The following DST variants were observed in gnomAD, a reference collection of about 807,000 sequenced individuals.
DST encodes dystonin.
DST carries 253 observed loss-of-function variants against 875.2 expected under a neutral mutation model. The observed-to-expected ratio is 0.29, with a 90% confidence interval of 0.26 to 0.32. The LOEUF (loss-of-function observed/expected upper bound fraction) is 0.32, where lower values mean the gene tolerates loss of function less well. Among genes scored for constraint, DST ranks in the 10% least tolerant of loss-of-function variants. The pLI is 1.00. For missense variants in DST, 8,287 were observed against 9,111.6 expected (o/e 0.91, Z 3.68); for synonymous variants, 3,124 against 3,197.1 (o/e 0.98, Z 0.77).
intron 36 of DST, 56 bp from the exon 37 acceptor site, chr6:56,614,540 A>C: frequency 6.8e-7 from 1 of 1,480,886 alleles, no homozygotes; most frequent in East Asian, 2.4e-5. Context: ...CTTAGCTATT[A>C]AACTGACCTC....
chr6:56,568,672 T>C, intron 54 of DST, 77 bp from the exon 55 acceptor site: 1 of 1,249,486 alleles, frequency 8.0e-7, no homozygotes, highest in East Asian at 2.6e-5. Flanking sequence ...TTCTTAAACA[T>C]ATCTTAAAGT....
At chr6:56,565,365 C>T (rs2097653582) in intron 55 of DST, among the ~76,000 whole-genome samples, 1 of 151,972 alleles carries the variant, frequency 6.6e-6, no homozygotes, top group African/African-American at 2.4e-5. Context: ...GTGATCCGCT[C>T]GCCTTGGCCT....
chr6:56,468,067 C>G (rs1366640457), intron 98 of DST, among the ~76,000 whole-genome samples: 1 of 151,928 alleles, frequency 6.6e-6, no homozygotes, highest in African/African-American at 2.4e-5. Flanking sequence ...TAATTTGAAG[C>G]TTGAGATGTA....
chr6:56,697,770 C>T (rs367709692), intron 9 of DST, among the ~76,000 whole-genome samples: 1 of 152,310 alleles, frequency 6.6e-6, no homozygotes, highest in East Asian at 1.9e-4. Flanking sequence ...AGACCTCTGA[C>T]TTTCCCGTCT....
At chr6:56,506,908 G>T in intron 75 of DST, 119 bp from the exon 76 acceptor site, 1 of 1,068,764 alleles carries the variant, frequency 9.4e-7, no homozygotes, top group Non-Finnish European at 1.3e-6. Flanking sequence ...TCATTTTTCT[G>T]TTTTCTAAGT....
At chr6:56,823,931 T>C (rs1325638648) in intron 4 of DST, among the ~76,000 whole-genome samples, 1 of 152,190 alleles carries the variant, frequency 6.6e-6, no homozygotes, top group Non-Finnish European at 1.5e-5. Context: ...ATTTACAATA[T>C]GCCAAGCACC....
rs752053786 is a variant in DST, at chr6:56,494,195, C to T, written c.20224-15G>A. ...GCACAGACTTCCTAAATTGAGATAC[C>T]CTCAAGTTATATCACTTTAAGAAAG... On this transcript the variant is annotated splice_polypyrimidine_tract_variant and intron_variant, in intron 82 of 103. Transcript: ENST00000680361. 163 of 1,583,788 alleles carry T rather than the reference C, an allele frequency of 1.0e-4. 1 individual carries two copies. Among genetic ancestry groups the T allele is most frequent in the Non-Finnish European group, 1.3e-4 (156 of 1,164,148 alleles).
At chr6:56,611,387 T>TAAAC (rs2098543439) in intron 38 of DST, 121 bp downstream of exon 38, 1 of 664,930 alleles carries the variant, frequency 1.5e-6, no homozygotes, top group East Asian at 2.8e-5. Context: ...ACTATATTAA[T>TAAAC]TGTGATTAGT....
intron 4 of DST, among the ~76,000 whole-genome samples, chr6:56,747,227 T>C (rs1026461689): frequency 1.3e-5 from 2 of 152,210 alleles, no homozygotes; most frequent in African/African-American, 4.8e-5. Flanking sequence ...TAGAATGTGC[T>C]AGGTAAGCTG....
chr6:56,509,828 C>G lies in DST; in HGVS notation c.18826G>C (p.Val6276Leu). The change falls in exon 74 of 104, where the codon GTG becomes CTG. Residue 6276 changes from valine (V) to leucine (L), a missense_variant. Coordinates refer to ENST00000680361, the MANE Select transcript of DST (RefSeq NM_001374736.1). ...DQILESLERI[V>L]ERLRQPPSIS... ...GAGGGTGGCTGCCTCAGACGTTCCA[C>G]GATGCGTTCCAGGCTCTCAAGGATC... is the stretch of plus-strand genomic sequence containing the variant. 1 of 1,613,492 alleles carries G rather than the reference C, an allele frequency of 6.2e-7. No individual in the cohort carries two copies. The highest frequency in any genetic ancestry group is 1.1e-5 in the South Asian group (1 of 91,018).
At chr6:56,713,401 A>AAC (rs140642046) in intron 5 of DST, among the ~76,000 whole-genome samples, 75 of 151,684 alleles carry the variant, frequency 4.9e-4, no homozygotes, top group African/African-American at 1.2e-3. Context: ...CTATAATCTC[A>AAC]ACACACACAC....
chr6:56,581,194 C>A (rs978181718), intron 49 of DST, among the ~76,000 whole-genome samples: 1 of 151,750 alleles, frequency 6.6e-6, no homozygotes, highest in African/African-American at 2.4e-5. Context: ...GAGTTGGAAC[C>A]CAAACTGGAA....
chr6:56,684,436 T>A (rs1434882251), intron 9 of DST, among the ~76,000 whole-genome samples: 2 of 152,210 alleles, frequency 1.3e-5, no homozygotes, highest in Non-Finnish European at 2.9e-5. Flanking sequence ...AAGAAAGTTA[T>A]ATAATGAAGA....
chr6:56,773,963 CA>C (rs2099672640), intron 4 of DST, among the ~76,000 whole-genome samples: 1 of 151,798 alleles, frequency 6.6e-6, no homozygotes, highest in Non-Finnish European at 1.5e-5. Flanking sequence ...ACTAAAAATA[CA>C]AAAAACAGGC....
At chr6:56,852,546 T>C (rs534773999) in intron 3 of DST, among the ~76,000 whole-genome samples, 9 of 152,318 alleles carry the variant, frequency 5.9e-5, no homozygotes, top group African/African-American at 1.7e-4. Context: ...ATATCTTCCA[T>C]AGAGGGAAAA....
At chr6:56,822,683 A>C (rs1004435493) in intron 4 of DST, among the ~76,000 whole-genome samples, 1 of 151,978 alleles carries the variant, frequency 6.6e-6, no homozygotes, top group Non-Finnish European at 1.5e-5. Flanking sequence ...GGTAACATTA[A>C]ATTTCCTGTT....
chr6:56,658,627 C>T (rs1252596998), intron 10 of DST, among the ~76,000 whole-genome samples: 2 of 152,126 alleles, frequency 1.3e-5, no homozygotes, highest in African/African-American at 2.4e-5. Flanking sequence ...AAAGGGTAAT[C>T]GGAGAAGACA....
chr6:56,814,764 A>G lies in DST; in HGVS notation c.625+36633T>C, dbSNP rs537016473. 2.0e-5 allele frequency among the ~76,000 whole-genome samples: 3 copies of G among 152,356 alleles called. No individual in the cohort carries two copies. In the East Asian group the frequency reaches 5.8e-4, roughly 29 times the overall value. ...GTAACTCTAGAGGTATACTTCGTCA[A>G]AAATAACTAATGATATATTTAAAGT... On this transcript the variant is annotated intron_variant, in intron 4 of 103. Transcript: ENST00000680361.
chr6:56,916,471 C>T (rs1455901784), intron 2 of DST, among the ~76,000 whole-genome samples: 1 of 152,068 alleles, frequency 6.6e-6, no homozygotes, highest in Non-Finnish European at 1.5e-5. Context: ...CTATTCAAGA[C>T]CTGGGTGCAG....
Sources: gnomAD v4.1 joint callset for allele counts (sites outside exome capture counted in the v4.1 genomes callset) on GRCh38, gnomAD v4.1.1 for gene constraint, MANE v1.5 for transcripts, NCBI Gene and HGNC (gene_info 2026-07-23, HGNC 2026-07-21) for gene names.